SHANK1: variants seen among roughly 807,000 people sequenced by gnomAD.
SHANK1 encodes SH3 and multiple ankyrin repeat domains 1.
In SHANK1, 35 loss-of-function variants were observed where a neutral mutation model predicts 165.6. The ratio of observed to expected loss-of-function variants is 0.21; its 90% confidence interval spans 0.16 to 0.28. SHANK1 has a LOEUF of 0.28. Among genes scored for constraint, SHANK1 ranks in the 10% least tolerant of loss-of-function variants. The pLI is 1.00. For synonymous variants in SHANK1, 1,428 were observed against 1,384.8 expected (o/e 1.03, Z -0.69); for missense variants, 2,681 against 3,036.4 (o/e 0.88, Z 2.75).
chr19:50,698,496 T>C (rs978432905), intron 12 of SHANK1, among the ~76,000 whole-genome samples: 2 of 152,162 alleles, frequency 1.3e-5, no homozygotes, highest in African/African-American at 4.8e-5. Context: ...TCTCCCCTAA[T>C]GGAAGCGGCT....
intron 3 of SHANK1, 25 bp from the exon 4 acceptor site, chr19:50,715,755 G>A: frequency 2.5e-6 from 4 of 1,600,958 alleles, no homozygotes; most frequent in Non-Finnish European, 3.4e-6. Context: ...AGGGTAGTGA[G>A]AGAGACACAG....
Position 50,667,736 on chromosome 19 carries a change from C to A in SHANK1, c.4224G>T (p.Trp1408Cys). The change falls in exon 23 of 24, where the codon TGG (tryptophan) becomes TGT (cysteine). Residue 1408 changes from tryptophan to cysteine, a missense_variant. Trp to Cys is a radical substitution (Grantham distance 215). Around this residue, in one of 10 missense-constraint regions of SHANK1, gnomAD observed 1,713 missense variants for 1,630.2 expected, o/e 1.05. Coordinates refer to ENST00000293441, the MANE Select transcript of SHANK1 (RefSeq NM_016148.5). This position sits in a 1 kb window ranked among gnomAD's most constrained non-coding sequence, Gnocchi z 5.7. ...HAHHEPVLRL[W>C]GASPPDPARR... is the part of the protein sequence containing the mutation. ...GCGCAGGGTCCGGCGGGGAGGCCCC[C>A]CAGAGACGCAGCACTGGCTCGTGGT... 3 of 1,331,740 alleles carry A rather than the reference C, an allele frequency of 2.3e-6. No individual in the cohort carries two copies. The highest frequency in any genetic ancestry group is 1.5e-5 in the African/African-American group (1 of 64,624). The allele number at this position is 1,331,740 out of a possible 1,614,324, so 82.5% of individuals were successfully genotyped here.
chr19:50,681,534 G>C (rs538401139), intron 21 of SHANK1, among the ~76,000 whole-genome samples: 4 of 152,140 alleles, frequency 2.6e-5, no homozygotes, highest in African/African-American at 7.2e-5. Context: ...GCTCTTGACT[G>C]TCCTGTAACT....
At chr19:50,703,973 C>A in intron 10 of SHANK1, 143 bp from the exon 11 acceptor site, 1 of 850,744 alleles carries the variant, frequency 1.2e-6, no homozygotes, top group South Asian at 1.6e-5. Flanking sequence ...GGAATTGCTC[C>A]CCCACCACCA....
intron 23 of SHANK1, among the ~76,000 whole-genome samples, chr19:50,665,935 C>T (rs566363263): frequency 4.2e-5 from 6 of 143,536 alleles, no homozygotes; most frequent in Admixed American, 6.9e-5. Context: ...CGCTTGAACC[C>T]GGGAGGCAGA....
At position 50,664,884 on chromosome 19, in the gene SHANK1, A is replaced by G. The variant is rs186545627; in HGVS notation, c.5768+1308T>C. On this transcript the variant is annotated intron_variant, in intron 23 of 23. Coordinates refer to ENST00000293441, the MANE Select transcript of SHANK1 (RefSeq NM_016148.5). ...ATTCTCCTGCCTCAGCCTACTGAGG[A>G]GCTAGGACTACAGGTGCCCACCACC... Among the ~76,000 whole-genome samples the G allele has an allele frequency of 3.9e-3, 588 of 152,140 alleles. 7 individuals carry two copies. Among genetic ancestry groups the G allele is most frequent in the South Asian group, 0.033 (158 of 4,816 alleles).
At chr19:50,689,342 C>T in intron 15 of SHANK1, 63 bp from the exon 16 acceptor site, 1 of 1,242,454 alleles carries the variant, frequency 8.0e-7, no homozygotes, top group Non-Finnish European at 1.2e-6. Context: ...TCATGAGACA[C>T]AGAGGCTGTC....
In SHANK1 at chr19:50,659,326, T is replaced by A; in HGVS notation, c.*2639A>T. Reference sequence around the variant, plus strand: ...ACAAAAGCCATTTCTCTCTGCAAAATCTTGGTGGGGAGTCAGGGGAAGGGA... The same window carrying A: ...ACAAAAGCCATTTCTCTCTGCAAAAACTTGGTGGGGAGTCAGGGGAAGGGA... On this transcript the variant is annotated 3_prime_UTR_variant, in exon 24 of 24. Transcript: ENST00000293441. 1 of 456,808 alleles carries A rather than the reference T, an allele frequency of 2.2e-6. No homozygotes were observed. The highest frequency in any genetic ancestry group is 3.5e-6 in the Non-Finnish European group (1 of 282,186). The allele number at this position is 456,808 out of a possible 1,614,324, so 28.3% of individuals were successfully genotyped here. A position where few individuals can be genotyped will look rare whatever the true frequency, so the allele number is the denominator to read the frequency against.
rs1390006492 is a variant in SHANK1, at chr19:50,702,544, C to T, written c.1670G>A (p.Arg557His). The T allele has an allele frequency of 1.9e-6, 3 of 1,613,204 alleles. No individual in the cohort carries two copies. The highest frequency in any genetic ancestry group is 8.5e-7 in the Non-Finnish European group (1 of 1,179,904). ...GTAGGACTTCACAGCCATGAAGGAG[C>T]GTCCGGGTACCGCTGAGTAGAGCTT... ...RRKLYSAVPGRSFMAVKSYQA... is the reference protein window; with the variant it reads ...RRKLYSAVPGHSFMAVKSYQA... Residue 557 changes from arginine to histidine, a missense_variant, in exon 12 of 24, where the codon CGC becomes CAC. By Grantham distance (29) the Arg-to-His change is conservative. Coordinates refer to ENST00000293441, the MANE Select transcript of SHANK1 (RefSeq NM_016148.5). The surrounding 1 kb of genome is among the most constrained non-coding windows in gnomAD (Gnocchi z 5.3).
chr19:50,676,669 C>A (rs558844562), intron 21 of SHANK1, among the ~76,000 whole-genome samples: 2 of 152,236 alleles, frequency 1.3e-5, no homozygotes, highest in African/African-American at 4.8e-5. Context: ...GAGTCATCAT[C>A]ATTATTTGCT....
Position 50,691,805 on chromosome 19 carries a change from T to C in SHANK1, c.1965-2526A>G, listed in dbSNP as rs1274761709. On this transcript the variant is annotated intron_variant, in intron 15 of 23. Transcript: ENST00000293441. ...GATCTTCCAACTTCAGCTTCCCAAG[T>C]ACCTAGGACTACAGGTGCTTGCCAC... 2.0e-5 allele frequency among the ~76,000 whole-genome samples: 3 copies of C among 152,170 alleles called. No individual in the cohort carries two copies. In the South Asian group the frequency reaches 6.2e-4, roughly 32 times the overall value.
chr19:50,708,920 C>T (rs903330201), intron 8 of SHANK1, among the ~76,000 whole-genome samples: 1 of 152,152 alleles, frequency 6.6e-6, no homozygotes, highest in Non-Finnish European at 1.5e-5. Flanking sequence ...TGACATTCAC[C>T]ACCAAATGCT....
At chr19:50,707,667 C>A (rs1307264013) in intron 8 of SHANK1, among the ~76,000 whole-genome samples, 1 of 150,046 alleles carries the variant, frequency 6.7e-6, no homozygotes, top group Non-Finnish European at 1.5e-5. Context: ...CTCAAGCAAT[C>A]CTCCTGTGCA....
chr19:50,670,448 C>T lies in SHANK1; in HGVS notation c.2675-1163G>A, dbSNP rs978774208. 6.6e-6 allele frequency among the ~76,000 whole-genome samples: 1 copy of T among 152,194 alleles called. No homozygotes were observed. The highest frequency in any genetic ancestry group is 1.5e-5 in the Non-Finnish European group (1 of 68,040). ...TTGGTCCCCCGGCTTCCCAGCTCAT[C>T]CCCTTCAATCTAGTCCCTTCACAGC... On this transcript the variant is annotated intron_variant, in intron 22 of 23. Coordinates refer to ENST00000293441, the MANE Select transcript of SHANK1 (RefSeq NM_016148.5). This position sits in a 1 kb window ranked among gnomAD's most constrained non-coding sequence, Gnocchi z 4.1.
In SHANK1 at chr19:50,697,496, AG is replaced by A. The variant is rs1986779523; in HGVS notation, c.1937+92del. Reference sequence around the variant, plus strand: ...AAACTTGAGAAGGAACAGATTAGAAAGGGGGCTTAGAGGTGATGGAAATATT... The same window carrying A: ...AAACTTGAGAAGGAACAGATTAGAAAGGGGCTTAGAGGTGATGGAAATATT... On this transcript the variant is annotated intron_variant, in intron 14 of 23. Coordinates refer to ENST00000293441, the MANE Select transcript of SHANK1 (RefSeq NM_016148.5). This position sits in a 1 kb window ranked among gnomAD's most constrained non-coding sequence, Gnocchi z 4.7. 8.8e-6 allele frequency: 9 copies of A among 1,020,378 alleles called. No individual in the cohort carries two copies. Among genetic ancestry groups the A allele is most frequent in the African/African-American group, 1.6e-5 (1 of 63,422 alleles). The allele number at this position is 1,020,378 out of a possible 1,614,324, so 63.2% of individuals were successfully genotyped here.
Position 50,668,152 on chromosome 19 carries a change from C to A in SHANK1, c.3808G>T (p.Gly1270Cys). ...TDAGDEDGGD[G>C]GLGTGAAPGP... ...GGGGCCGCCCCTGTGCCCAGCCCGC[C>A]GTCCCCGCCGTCCTCGTCCCCCGCG... The change falls in exon 23 of 24, where the codon GGC (glycine) becomes TGC (cysteine). Residue 1270 changes from glycine (G) to cysteine (C), a missense_variant. This residue lies in a region of SHANK1 where 1,713 missense variants were observed against 1,630.2 expected (regional missense o/e 1.05). Transcript: ENST00000293441. 1 of 1,457,472 alleles carries A rather than the reference C, an allele frequency of 6.9e-7. No homozygotes were observed. The highest frequency in any genetic ancestry group is 1.3e-5 in the South Asian group (1 of 74,334). 90.3% of individuals were successfully genotyped at this position (1,457,472 alleles called of 1,614,324 possible).
chr19:50,684,438 C>A (rs202131611), intron 21 of SHANK1, among the ~76,000 whole-genome samples: 1 of 152,166 alleles, frequency 6.6e-6, no homozygotes, highest in East Asian at 1.9e-4. Flanking sequence ...GTTGGTCAGG[C>A]TGGTCTCGAA....
chr19:50,667,072 C>T lies in SHANK1; in HGVS notation c.4888G>A (p.Glu1630Lys). ...TASSLTSYDS[E>K]VATLTQGASA... The stretch of plus-strand genomic sequence containing the variant: ...GCCCCCTGGGTCAGGGTGGCCACCT[C>T]GCTGTCATAGGATGTCAGGCTGGAT... The change falls in exon 23 of 24, where the codon GAG becomes AAG. Residue 1630 changes from glutamate (E) to lysine (K), a missense_variant. Glu to Lys is a moderately conservative substitution (Grantham distance 56). Around this residue, in one of 10 missense-constraint regions of SHANK1, gnomAD observed 1,713 missense variants for 1,630.2 expected, o/e 1.05. Coordinates refer to ENST00000293441, the MANE Select transcript of SHANK1 (RefSeq NM_016148.5). The surrounding 1 kb of genome is among the most constrained non-coding windows in gnomAD (Gnocchi z 5.7). The T allele has an allele frequency of 6.4e-7, 1 of 1,553,640 alleles. No homozygotes were observed. Among genetic ancestry groups the T allele is most frequent in the South Asian group, 1.2e-5 (1 of 85,476 alleles).
chr19:50,703,376 A>G (rs2088893721), intron 11 of SHANK1, 124 bp downstream of exon 11: 5 of 775,652 alleles, frequency 6.4e-6, no homozygotes, highest in Non-Finnish European at 1.0e-5. Flanking sequence ...CCCCAAGGTG[A>G]CACTAGGGAC....
Sources: allele counts gnomAD v4.1 joint callset (sites outside exome capture counted in the v4.1 genomes callset), GRCh38; gene constraint gnomAD v4.1.1; regional missense constraint gnomAD v4.1.1; non-coding constraint Gnocchi (gnomAD v3.1); transcripts MANE v1.5; gene names NCBI Gene and HGNC (gene_info 2026-07-23, HGNC 2026-07-21).